Variants in TTC28 observed in about 807,000 individuals in gnomAD.
The protein encoded by TTC28 is tetratricopeptide repeat domain 28.
A neutral mutation model predicts 198.0 loss-of-function variants in TTC28; 61 were observed. That is an observed-to-expected ratio of 0.31 (90% CI 0.25 to 0.38). The LOEUF (loss-of-function observed/expected upper bound fraction) is 0.38, where lower values mean the gene tolerates loss of function less well. TTC28 is among the 10% of genes least tolerant of loss of function. TTC28 has a pLI of 1.00. For synonymous variants in TTC28, 1,171 were observed against 1,297.8 expected (o/e 0.90, Z 2.10); for missense variants, 2,678 against 3,164.0 (o/e 0.85, Z 3.69).
At chr22:27,999,317 G>A (rs1320015691) in intron 15 of TTC28, 57 bp from the exon 16 acceptor site, 19 of 1,490,294 alleles carry the variant, frequency 1.3e-5, no homozygotes, top group South Asian at 1.2e-4. Context: ...CAGGCTGCCC[G>A]GCAGTGGTCG....
intron 2 of TTC28, among the ~76,000 whole-genome samples, chr22:28,552,970 G>A (rs1012884755): frequency 5.3e-5 from 8 of 152,038 alleles, no homozygotes; most frequent in African/African-American, 1.9e-4. Context: ...TATTTTTTTG[G>A]TGGAGACGGG....
rs183093285 is a variant in TTC28, at chr22:28,275,490, G to A, written c.933+20708C>T. Reference sequence around the variant, plus strand: ...CCAGGAAGCTAGTCCAGGTTTTACAGTATTGTATATTTTTTCCATTCCAAT... The same window carrying A: ...CCAGGAAGCTAGTCCAGGTTTTACAATATTGTATATTTTTTCCATTCCAAT... On this transcript the variant is annotated intron_variant, in intron 5 of 22. Transcript: ENST00000397906. Among the ~76,000 whole-genome samples, 294 of 152,296 alleles carry A rather than the reference G, an allele frequency of 1.9e-3. 1 individual carries two copies. Among genetic ancestry groups the A allele is most frequent in the Middle Eastern group, 6.8e-3 (2 of 294 alleles).
At chr22:28,241,800 T>C (rs1601521075) in intron 5 of TTC28, among the ~76,000 whole-genome samples, 1 of 152,286 alleles carries the variant, frequency 6.6e-6, no homozygotes, top group East Asian at 1.9e-4. Context: ...TGAAGTAGTT[T>C]GGTTATGACA....
intron 2 of TTC28, among the ~76,000 whole-genome samples, chr22:28,477,399 C>T (rs1460165411): frequency 6.6e-6 from 1 of 152,138 alleles, no homozygotes; most frequent in Non-Finnish European, 1.5e-5. Flanking sequence ...TTAGCCTATA[C>T]CCTCCAAATT....
rs183212139 is a variant in TTC28 at position 28,185,675 on chromosome 22, G to A, written c.934-22076C>T. On this transcript the variant is annotated intron_variant, in intron 5 of 22. Transcript: ENST00000397906. ...CAGTATGTTTACTTACAGATTATAA[G>A]ACTATCCTGATTTCAGAGATATTAA... Among the ~76,000 whole-genome samples the A allele has an allele frequency of 2.2e-3, 331 of 152,108 alleles. 2 individuals carry two copies. The highest frequency in any genetic ancestry group is 3.9e-3 in the Non-Finnish European group (268 of 67,980).
At chr22:28,067,856 T>C (rs1445402808) in intron 12 of TTC28, among the ~76,000 whole-genome samples, 1 of 152,212 alleles carries the variant, frequency 6.6e-6, no homozygotes. Context: ...ATATTTTATT[T>C]ATCTCCTCTT....
intron 6 of TTC28, among the ~76,000 whole-genome samples, chr22:28,114,021 C>G (rs1240452054): frequency 3.9e-5 from 6 of 152,180 alleles, no homozygotes; most frequent in Admixed American, 6.5e-5. Context: ...GTAGCTGCAC[C>G]AGCCTCCATA....
chr22:28,190,645 T>C (rs1162408103), intron 5 of TTC28, among the ~76,000 whole-genome samples: 6 of 152,158 alleles, frequency 3.9e-5, no homozygotes, highest in African/African-American at 1.4e-4. Flanking sequence ...AACAATAAAG[T>C]AACAACAGAT....
Position 27,996,245 on chromosome 22 carries a change from C to T in TTC28, c.5134G>A (p.Gly1712Arg), listed in dbSNP as rs1476234408. ...PSNWAGFMLI[G>R]SDVKLNSPSS... The stretch of plus-strand genomic sequence containing the variant: ...GGGCTGTTCAGCTTAACGTCACTCC[C>T]GATGAGCATGAACCCTGCAGAAAGC... The change falls in exon 17 of 23, where the codon GGG becomes AGG. Residue 1712 changes from glycine to arginine, a missense_variant. By Grantham distance (125) the Gly-to-Arg change is moderately radical (BLOSUM62 -2). Around this residue, in one of 8 missense-constraint regions of TTC28, gnomAD observed 314 missense variants for 442.7 expected, o/e 0.71. Coordinates refer to ENST00000397906, the MANE Select transcript of TTC28 (RefSeq NM_001145418.2). 5 of 1,551,014 alleles carry T rather than the reference C, an allele frequency of 3.2e-6. No homozygotes were observed. The highest frequency in any genetic ancestry group is 4.4e-6 in the Non-Finnish European group (5 of 1,146,982).
chr22:28,565,098 C>T (rs2049949964), intron 2 of TTC28, among the ~76,000 whole-genome samples: 1 of 151,730 alleles, frequency 6.6e-6, no homozygotes. Context: ...GAGGCTCATT[C>T]ACATACAGTA....
rs569023571 is a variant in TTC28, at chr22:28,310,839, G to T, written c.382-4196C>A. On this transcript the variant is annotated intron_variant, in intron 2 of 22. Coordinates refer to ENST00000397906, the MANE Select transcript of TTC28 (RefSeq NM_001145418.2). ...CTGTCACCCAGGCTGGAGTGAAGTG[G>T]CACAGTCTCAGCTCGCTGCAACCTC... Among the ~76,000 whole-genome samples, 139 of 151,398 alleles carry T rather than the reference G, an allele frequency of 9.2e-4. 4 individuals are homozygous for T. In the South Asian group the frequency reaches 0.028, roughly 31 times the overall value.
At chr22:28,448,896 A>C (rs1347855825) in intron 2 of TTC28, among the ~76,000 whole-genome samples, 1 of 152,142 alleles carries the variant, frequency 6.6e-6, no homozygotes, top group Non-Finnish European at 1.5e-5. Flanking sequence ...AATACAACAC[A>C]TTTACTGAGT....
intron 2 of TTC28, among the ~76,000 whole-genome samples, chr22:28,412,625 C>A (rs1201710443): frequency 6.6e-6 from 1 of 152,222 alleles, no homozygotes; most frequent in Non-Finnish European, 1.5e-5. Flanking sequence ...ATGCTTTCCA[C>A]ACCCTTCTTC....
At chr22:28,141,555 T>C (rs1943335350) in intron 6 of TTC28, among the ~76,000 whole-genome samples, 1 of 152,156 alleles carries the variant, frequency 6.6e-6, no homozygotes, top group Non-Finnish European at 1.5e-5. Flanking sequence ...CTGGGTGGTA[T>C]GATTATAGAA....
At position 27,979,797 on chromosome 22, in the gene TTC28, C is replaced by T. The variant is rs1013720797; in HGVS notation, c.*2424G>A. On this transcript the variant is annotated 3_prime_UTR_variant, in exon 23 of 23. Transcript: ENST00000397906. ...ATACAAGAACACCAAGACTGACATA[C>T]ACGTAAAGTGGCGGTGACTTTACAG... The T allele has an allele frequency of 1.3e-5, 2 of 152,246 alleles. No individual in the cohort carries two copies. Among genetic ancestry groups the T allele is most frequent in the South Asian group, 2.1e-4 (1 of 4,834 alleles). 9.4% of individuals were successfully genotyped at this position (152,246 alleles called of 1,614,324 possible). A position where few individuals can be genotyped will look rare whatever the true frequency, so the allele number is the denominator to read the frequency against.
intron 6 of TTC28, among the ~76,000 whole-genome samples, chr22:28,161,093 A>G (rs539056807): frequency 1.3e-5 from 2 of 152,340 alleles, no homozygotes; most frequent in Admixed American, 1.3e-4. Flanking sequence ...TATATTAAAC[A>G]CTTCATGAGT....
At chr22:28,586,660 T>C (rs375386571) in intron 2 of TTC28, among the ~76,000 whole-genome samples, 4 of 152,140 alleles carry the variant, frequency 2.6e-5, no homozygotes, top group Non-Finnish European at 4.4e-5. Flanking sequence ...ATAGTCACTA[T>C]GGGAAACAAG....
At chr22:28,123,908 G>C (rs1364793783) in intron 6 of TTC28, among the ~76,000 whole-genome samples, 1 of 152,010 alleles carries the variant, frequency 6.6e-6, no homozygotes, top group Non-Finnish European at 1.5e-5. Flanking sequence ...GCTTGAACCC[G>C]GGAGGCAGAG....
chr22:28,583,865 G>A (rs906981176), intron 2 of TTC28, among the ~76,000 whole-genome samples: 4 of 152,144 alleles, frequency 2.6e-5, no homozygotes, highest in African/African-American at 9.6e-5. Context: ...CAAAAAAGCA[G>A]ATGGGTCAAT....
Sources: allele counts gnomAD v4.1 joint callset (sites outside exome capture counted in the v4.1 genomes callset), GRCh38; gene constraint gnomAD v4.1.1; regional missense constraint gnomAD v4.1.1; transcripts MANE v1.5; gene names NCBI Gene and HGNC (gene_info 2026-07-23, HGNC 2026-07-21).